The following PRKAG2 variants were observed in gnomAD, a reference collection of about 807,000 sequenced individuals.
The protein encoded by PRKAG2 is 5'-AMP-activated protein kinase subunit gamma-2.
In PRKAG2, 26 loss-of-function variants were observed where a neutral mutation model predicts 69.6. The ratio of observed to expected loss-of-function variants is 0.37; its 90% confidence interval spans 0.27 to 0.52. The LOEUF (loss-of-function observed/expected upper bound fraction) is 0.52, where lower values mean the gene tolerates loss of function less well. Among genes scored for constraint, PRKAG2 ranks in the 20% least tolerant of loss-of-function variants. The pLI is 0.90. For missense variants in PRKAG2, 557 were observed against 740.0 expected, an observed-to-expected ratio of 0.75 and a Z score of 2.87; for synonymous variants, 293 against 285.0, an observed-to-expected ratio of 1.03 and a Z score of -0.28.
intron 1 of PRKAG2, among the ~76,000 whole-genome samples, chr7:151,833,978 G>A (rs936835062): frequency 2.0e-5 from 3 of 152,224 alleles, no homozygotes; most frequent in African/African-American, 4.8e-5. Flanking sequence ...GGCCCATGGC[G>A]GGGGCCAGGC....
chr7:151,683,473 A>C (rs1198592959), intron 3 of PRKAG2, among the ~76,000 whole-genome samples: 1 of 152,206 alleles, frequency 6.6e-6, no homozygotes. Context: ...TCCACTGCGT[A>C]AATGGAATGA....
chr7:151,581,980 G>A (rs1005259189), intron 6 of PRKAG2, among the ~76,000 whole-genome samples: 1 of 152,186 alleles, frequency 6.6e-6, no homozygotes, highest in Non-Finnish European at 1.5e-5. Context: ...GCAAATACAT[G>A]TATGGGAAAG....
chr7:151,581,167 A>G (rs1810383553), intron 6 of PRKAG2, among the ~76,000 whole-genome samples: 1 of 152,210 alleles, frequency 6.6e-6, no homozygotes, highest in African/African-American at 2.4e-5. Context: ...AAATCGAGTG[A>G]AGAAGGAATA....
At chr7:151,572,535 A>G (rs1441650415) in intron 9 of PRKAG2, 129 bp downstream of exon 9, 1 of 717,952 alleles carries the variant, frequency 1.4e-6, no homozygotes. Context: ...ATTAACAGAA[A>G]TAAAGAGAAT....
chr7:151,815,205 C>A (rs1262502982), intron 1 of PRKAG2, among the ~76,000 whole-genome samples: 1 of 152,184 alleles, frequency 6.6e-6, no homozygotes, highest in Non-Finnish European at 1.5e-5. Flanking sequence ...TCCAACCAGA[C>A]AGCCTGCAAA....
chr7:151,630,838 A>G (rs1240747955), intron 5 of PRKAG2, among the ~76,000 whole-genome samples: 2 of 152,216 alleles, frequency 1.3e-5, no homozygotes, highest in Non-Finnish European at 2.9e-5. Context: ...ACCCTGGATT[A>G]TTTTTCTGTA....
At chr7:151,739,185 G>C (rs185240780) in intron 3 of PRKAG2, among the ~76,000 whole-genome samples, 2 of 152,202 alleles carry the variant, frequency 1.3e-5, no homozygotes, top group South Asian at 4.1e-4. Flanking sequence ...AGATCCCATC[G>C]ACTGGTAGAG....
At chr7:151,833,183 CTT>C (rs1000051561) in intron 1 of PRKAG2, among the ~76,000 whole-genome samples, 1 of 152,198 alleles carries the variant, frequency 6.6e-6, no homozygotes, top group African/African-American at 2.4e-5. Flanking sequence ...GCGCGTGAGT[CTT>C]TTGATTAGAT....
chr7:151,653,601 TGA>T (rs1828900393), intron 4 of PRKAG2, among the ~76,000 whole-genome samples: 1 of 152,126 alleles, frequency 6.6e-6, no homozygotes, highest in African/African-American at 2.4e-5. Context: ...CAGCACTTTG[TGA>T]GTCTGAGGCG....
chr7:151,874,265 T>C (rs1421746418), intron 1 of PRKAG2, among the ~76,000 whole-genome samples: 1 of 109,652 alleles, frequency 9.1e-6, no homozygotes, highest in African/African-American at 3.9e-5. Context: ...GATGTATATG[T>C]ATATGTATAT....
At chr7:151,593,749 T>C (rs1305909713) in intron 6 of PRKAG2, among the ~76,000 whole-genome samples, 1 of 152,210 alleles carries the variant, frequency 6.6e-6, no homozygotes, top group African/African-American at 2.4e-5. Context: ...CTTCTTTGTG[T>C]CAAATAATCA....
chr7:151,865,896 C>T (rs923660493), intron 1 of PRKAG2, among the ~76,000 whole-genome samples: 20 of 151,566 alleles, frequency 1.3e-4, no homozygotes, highest in South Asian at 6.2e-4. Flanking sequence ...GGCGGGCGCC[C>T]GTAGACCCAG....
chr7:151,590,521 C>T (rs776209529), intron 6 of PRKAG2, among the ~76,000 whole-genome samples: 4 of 152,284 alleles, frequency 2.6e-5, no homozygotes, highest in East Asian at 1.9e-4. Context: ...GGAGTTCCTC[C>T]GAGCCTCCCA....
At chr7:151,668,791 C>T (rs1389823072) in intron 4 of PRKAG2, among the ~76,000 whole-genome samples, 1 of 152,240 alleles carries the variant, frequency 6.6e-6, no homozygotes, top group East Asian at 1.9e-4. Flanking sequence ...CTCTCACCCT[C>T]TTACAGGTTC....
intron 4 of PRKAG2, among the ~76,000 whole-genome samples, chr7:151,637,379 C>T (rs74733274): frequency 8.7e-4 from 133 of 152,174 alleles, no homozygotes; most frequent in African/African-American, 3.1e-3. Context: ...CACCTGTAAT[C>T]GTGAGGGGTT....
chr7:151,746,134 G>A (rs925217117), intron 3 of PRKAG2, among the ~76,000 whole-genome samples: 13 of 152,228 alleles, frequency 8.5e-5, no homozygotes, highest in Non-Finnish European at 4.4e-5. Flanking sequence ...AAGCCTTGGA[G>A]AAGGACCCGG....
rs1788553945 is a variant in PRKAG2, at chr7:151,840,092, C to T, written c.114+36415G>A. 1.3e-5 allele frequency among the ~76,000 whole-genome samples: 2 copies of T among 152,178 alleles called. 1 individual carries two copies. The highest frequency in any genetic ancestry group is 4.1e-4 in the South Asian group (2 of 4,828). On this transcript the variant is annotated intron_variant, in intron 1 of 15. Transcript: ENST00000287878. ...GAGTGTGTGCGCCAGTCCTTGAGGGCATTACATTTTACATTACGTTTGTAA... is the reference window on the plus strand; with the variant it reads ...GAGTGTGTGCGCCAGTCCTTGAGGGTATTACATTTTACATTACGTTTGTAA...
At chr7:151,616,893 A>C (rs1417960686) in intron 5 of PRKAG2, among the ~76,000 whole-genome samples, 1 of 152,206 alleles carries the variant, frequency 6.6e-6, no homozygotes, top group Non-Finnish European at 1.5e-5. Flanking sequence ...GCTGGAGTCT[A>C]GCACTCATGG....
intron 1 of PRKAG2, among the ~76,000 whole-genome samples, chr7:151,792,577 T>C (rs888198145): frequency 6.6e-6 from 1 of 152,224 alleles, no homozygotes; most frequent in Non-Finnish European, 1.5e-5. Flanking sequence ...TCTGATGTTT[T>C]GTCTTACAGA....
Sources: allele counts gnomAD v4.1 joint callset (sites outside exome capture counted in the v4.1 genomes callset), GRCh38; gene constraint gnomAD v4.1.1; transcripts MANE v1.5; gene names NCBI Gene and HGNC (gene_info 2026-07-23, HGNC 2026-07-21).